The following BLK variants were observed in gnomAD, a reference collection of about 807,000 sequenced individuals.
BLK encodes the protein BLK proto-oncogene, Src family tyrosine kinase.
A neutral mutation model predicts 61.8 loss-of-function variants in BLK; 64 were observed. That is an observed-to-expected ratio of 1.03 (90% confidence interval 0.85 to 1.27). The LOEUF is 1.27. BLK is among the 50% of genes most tolerant of loss of function. The pLI is 0.00. For missense variants in BLK, 853 were observed against 660.5 expected (o/e 1.29, Z -3.19); for synonymous variants, 351 against 272.0 (o/e 1.29, Z -2.86).
chr8:11,516,824 T>C (rs1253986834), intron 1 of BLK, among the ~76,000 whole-genome samples: 1 of 152,238 alleles, frequency 6.6e-6, no homozygotes, highest in East Asian at 1.9e-4. Flanking sequence ...TATCCATCCA[T>C]CTGTCCATGG....
At position 11,559,623 on chromosome 8, in the gene BLK, G is replaced by A. The variant is rs184952681; in HGVS notation, c.1029+1585G>A. Among the ~76,000 whole-genome samples, 586 of 152,134 alleles carry A rather than the reference G, an allele frequency of 3.9e-3. 3 individuals carry two copies. Among genetic ancestry groups the A allele is most frequent in the African/African-American group, 0.014 (565 of 41,472 alleles). The stretch of plus-strand genomic sequence containing the variant: ...TCCATAGGAAGCCATGCAAAGTCTC[G>A]CCAGACCTTTCTTCCAAGGCCAGAT... On this transcript the variant is annotated intron_variant, in intron 10 of 12. Transcript: ENST00000259089.
At position 11,549,018 on chromosome 8, in the gene BLK, C is replaced by G. The variant is rs1410543634; in HGVS notation, c.270-6C>G. The G allele has an allele frequency of 1.9e-6, 3 of 1,604,312 alleles. No homozygotes were observed. The highest frequency in any genetic ancestry group is 2.7e-5 in the African/African-American group (2 of 74,822). Reference sequence around the variant, plus strand: ...ATCTCATCTCTGTTTCCCCTGCTCCCATTAGAACTGGAGACTGGTGGCTGG... The same window carrying G: ...ATCTCATCTCTGTTTCCCCTGCTCCGATTAGAACTGGAGACTGGTGGCTGG... On this transcript the variant is annotated splice_polypyrimidine_tract_variant and splice_region_variant and intron_variant, in intron 4 of 12. Coordinates refer to ENST00000259089, the MANE Select transcript of BLK (RefSeq NM_001715.3).
At chr8:11,499,183 A>G (rs553634830) in intron 1 of BLK, among the ~76,000 whole-genome samples, 2 of 152,210 alleles carry the variant, frequency 1.3e-5, no homozygotes, top group Admixed American at 6.5e-5. Context: ...TAGAGACACA[A>G]ATATTCACCA....
rs1307850546 is a variant in BLK, at chr8:11,563,063, G to A, written c.1265G>A (p.Gly422Glu). The part of the protein sequence containing the change: ...FTIKADVWSF[G>E]VLLMEVVTYG... ...ATCAAAGCAGACGTGTGGTCGTTTG[G>A]AGTCCTCCTGATGGAAGTTGTCACT... is the stretch of plus-strand genomic sequence containing the variant. The change falls in exon 12 of 13, where the codon GGA (glycine) becomes GAA (glutamate). Residue 422 changes from glycine (G) to glutamate (E), a missense_variant. Coordinates refer to ENST00000259089, the MANE Select transcript of BLK (RefSeq NM_001715.3). 6.2e-7 allele frequency: 1 copy of A among 1,613,830 alleles called. No individual in the cohort carries two copies. Among genetic ancestry groups the A allele is most frequent in the Non-Finnish European group, 8.5e-7 (1 of 1,180,038 alleles).
At chr8:11,532,169 T>G (rs1799912820) in intron 1 of BLK, among the ~76,000 whole-genome samples, 1 of 103,426 alleles carries the variant, frequency 9.7e-6, no homozygotes, top group Non-Finnish European at 2.2e-5. Context: ...ATGTTTTTTT[T>G]TCCTTTTATA....
intron 2 of BLK, 85 bp downstream of exon 2, chr8:11,543,432 A>G (rs931204677): frequency 1.3e-6 from 2 of 1,565,230 alleles, no homozygotes; most frequent in Admixed American, 1.8e-5. Flanking sequence ...GGGTATAGCA[A>G]AAGTGCCTTC....
intron 1 of BLK, among the ~76,000 whole-genome samples, chr8:11,513,540 A>G (rs984419500): frequency 2.3e-4 from 35 of 152,286 alleles, no homozygotes; most frequent in African/African-American, 7.7e-4. Context: ...CTGCGATGCA[A>G]TCATAGCCCC....
In BLK at chr8:11,550,267, G is replaced by C. The variant is rs368987710; in HGVS notation, c.472+5G>C. The stretch of plus-strand genomic sequence containing the variant: ...GAGAGAGTGAAACCAACAAAGGTAG[G>C]CTTGGTGGCTTTGCCTGCCTTCCTT... On this transcript the variant is annotated splice_donor_5th_base_variant and intron_variant, in intron 6 of 12. Transcript: ENST00000259089. The C allele has an allele frequency of 3.1e-6, 5 of 1,613,420 alleles. No individual in the cohort carries two copies. The highest frequency in any genetic ancestry group is 2.7e-5 in the African/African-American group (2 of 74,928).
At chr8:11,542,990 A>G (rs925101560) in intron 1 of BLK, among the ~76,000 whole-genome samples, 1 of 152,098 alleles carries the variant, frequency 6.6e-6, no homozygotes. Flanking sequence ...CAGCCAGAGG[A>G]TTTCTGTGTC....
At chr8:11,558,789 G>A (rs995086677) in intron 10 of BLK, 1 of 455,904 alleles carries the variant, frequency 2.2e-6, no homozygotes, top group East Asian at 6.9e-5. Context: ...TTTGGTCTGT[G>A]GTCAGCCTGT....
chr8:11,548,084 C>T lies in BLK; in HGVS notation c.228C>T (p.Asp76=). ...ACTACACCGCTATGAATGATCGGGA[C>T]CTGCAGATGCTGAAGGGGGAGAAGC... ...LYDYTAMNDR[D]LQMLKGEKLQ... is the part of the protein sequence containing the mutation. The change falls in exon 4 of 13, where the codon GAC becomes GAT. Residue 76 remains aspartate (D), a synonymous_variant. Coordinates refer to ENST00000259089, the MANE Select transcript of BLK (RefSeq NM_001715.3). 6.2e-7 allele frequency: 1 copy of T among 1,613,954 alleles called. No homozygotes were observed. The highest frequency in any genetic ancestry group is 8.5e-7 in the Non-Finnish European group (1 of 1,180,016).
At chr8:11,507,336 C>A (rs1186040970) in intron 1 of BLK, among the ~76,000 whole-genome samples, 1 of 152,200 alleles carries the variant, frequency 6.6e-6, no homozygotes, top group African/African-American at 2.4e-5. Flanking sequence ...GCAAACCCTG[C>A]CCCTGGGAGT....
At chr8:11,550,016 A>C in intron 5 of BLK, 143 bp from the exon 6 acceptor site, 1 of 742,478 alleles carries the variant, frequency 1.3e-6, no homozygotes, top group South Asian at 1.5e-5. Context: ...TCACGGTGTG[A>C]GGAGCAGCAG....
chr8:11,554,696 T>C, intron 6 of BLK, 47 bp from the exon 7 acceptor site: 2 of 1,607,192 alleles, frequency 1.2e-6, no homozygotes, highest in Non-Finnish European at 1.7e-6. Context: ...GTCCCGTTTT[T>C]TGTCTTTGTG....
chr8:11,530,586 A>C (rs1799844601), intron 1 of BLK, among the ~76,000 whole-genome samples: 1 of 152,244 alleles, frequency 6.6e-6, no homozygotes, highest in Admixed American at 6.5e-5. Context: ...AATAATTTCC[A>C]AATTCTGGAG....
intron 10 of BLK, chr8:11,558,766 T>C (rs1563123644): frequency 2.2e-6 from 1 of 456,006 alleles, no homozygotes; most frequent in African/African-American, 2.0e-5. Context: ...ACTGGAACTC[T>C]CAGCAGAAAA....
At position 11,548,046 on chromosome 8, in the gene BLK, G is replaced by A. The variant is rs1180141596; in HGVS notation, c.190G>A (p.Val64Met). Residue 64 changes from valine (V) to methionine (M), a missense_variant, in exon 4 of 13, where the codon GTG (valine) becomes ATG (methionine). Physicochemically the swap from Val to Met is conservative, Grantham distance 21. Coordinates refer to ENST00000259089, the MANE Select transcript of BLK (RefSeq NM_001715.3). ...GTTCATTTTAGACAAGCATTTCGTG[G>A]TGGCTCTGTATGACTACACCGCTAT... ...EHLDEDKHFVVALYDYTAMND... is the reference protein window; with the variant it reads ...EHLDEDKHFVMALYDYTAMND... 6.2e-7 allele frequency: 1 copy of A among 1,614,064 alleles called. No individual in the cohort carries two copies. Among genetic ancestry groups the A allele is most frequent in the African/African-American group, 1.3e-5 (1 of 75,022 alleles).
chr8:11,521,015 A>C (rs987513225), intron 1 of BLK, among the ~76,000 whole-genome samples: 2 of 152,230 alleles, frequency 1.3e-5, no homozygotes, highest in Non-Finnish European at 2.9e-5. Context: ...AGAATAATGA[A>C]GAAAATCTTT....
intron 1 of BLK, among the ~76,000 whole-genome samples, chr8:11,524,637 C>A (rs960561511): frequency 6.6e-6 from 1 of 152,006 alleles, no homozygotes; most frequent in Non-Finnish European, 1.5e-5. Flanking sequence ...TTAACCTCAA[C>A]AAAAATTAAG....
Sources: allele counts gnomAD v4.1 joint callset (sites outside exome capture counted in the v4.1 genomes callset), GRCh38; gene constraint gnomAD v4.1.1; transcripts MANE v1.5; gene names NCBI Gene and HGNC (gene_info 2026-07-23, HGNC 2026-07-21).